The following RYR2 variants were observed in gnomAD, a reference collection of about 807,000 sequenced individuals.
RYR2 encodes ryanodine receptor 2, also known as cardiac muscle ryanodine receptor-calcium release channel.
RYR2 carries 227 observed loss-of-function variants against 601.1 expected under a neutral mutation model. The observed-to-expected ratio is 0.38, with a 90% CI of 0.34 to 0.42. RYR2 has a LOEUF of 0.42. RYR2 is among the 10% of genes least tolerant of loss of function. The pLI, the probability that RYR2 is intolerant of heterozygous loss-of-function variation, is 1.00. For missense variants in RYR2, 4,646 were observed against 6,156.5 expected (o/e 0.75, Z 8.21); for synonymous variants, 2,223 against 2,175.1 (o/e 1.02, Z -0.61).
At chr1:237,320,527 G>T (rs529745559) in intron 2 of RYR2, among the ~76,000 whole-genome samples, 1 of 152,226 alleles carries the variant, frequency 6.6e-6, no homozygotes, top group Admixed American at 6.5e-5. Flanking sequence ...AGTACCTCCA[G>T]ATCACCTGCT....
rs1158346329 is a variant in RYR2 at position 237,387,311 on chromosome 1, G to A, written c.607G>A (p.Val203Met). The A allele has an allele frequency of 3.1e-6, 5 of 1,613,972 alleles. No individual in the cohort carries two copies. The highest frequency in any genetic ancestry group is 4.2e-6 in the Non-Finnish European group (5 of 1,179,886). The change falls in exon 9 of 105, where the codon GTG becomes ATG. Residue 203 changes from valine to methionine, a missense_variant. Physicochemically the swap from Val to Met is conservative, Grantham distance 21. Around this residue, in one of 17 missense-constraint regions of RYR2, gnomAD observed 87 missense variants for 144.7 expected, o/e 0.60. Transcript: ENST00000366574. ...HLSYGNGSLH[V>M]DAAFQQTLWS... The stretch of plus-strand genomic sequence containing the variant: ...GTCTTATGGCAACGGCAGCTTACAC[G>A]TGGATGCCGCTTTCCAGCAGACTCT...
At chr1:237,116,421 A>G (rs1348176796) in intron 1 of RYR2, among the ~76,000 whole-genome samples, 1 of 152,224 alleles carries the variant, frequency 6.6e-6, no homozygotes. Flanking sequence ...GGAGGCAGAC[A>G]TAATAGGAGG....
intron 55 of RYR2, among the ~76,000 whole-genome samples, chr1:237,660,307 C>T (rs1425499825): frequency 6.6e-6 from 1 of 151,340 alleles, no homozygotes; most frequent in Non-Finnish European, 1.5e-5. Context: ...TTTTTCTTTT[C>T]CTTTTTGGTT....
At chr1:237,542,062 AT>A (rs1170221829) in intron 25 of RYR2, among the ~76,000 whole-genome samples, 1 of 122,090 alleles carries the variant, frequency 8.2e-6, no homozygotes, top group Non-Finnish European at 1.7e-5. Flanking sequence ...TTTTGTCTTT[AT>A]TTATTTATTT....
intron 25 of RYR2, among the ~76,000 whole-genome samples, chr1:237,538,693 C>T (rs542733154): frequency 1.3e-4 from 20 of 151,918 alleles, no homozygotes; most frequent in African/African-American, 4.8e-4. Flanking sequence ...ATTGCTTGAA[C>T]CTGAGAGGCG....
chr1:237,537,529 G>C lies in RYR2; in HGVS notation c.2906+7019G>C, dbSNP rs532925168. 7.2e-5 allele frequency among the ~76,000 whole-genome samples: 11 copies of C among 152,266 alleles called. No homozygotes were observed. In the East Asian group the frequency reaches 2.1e-3, roughly 29 times the overall value. On this transcript the variant is annotated intron_variant, in intron 25 of 104. Transcript: ENST00000366574. ...GGGATTTCACCATGTTGGTCAGGCT[G>C]GTCTTGAGCTCCTGACCTCAGGTGA...
chr1:237,627,598 G>A (rs1422302189), intron 40 of RYR2, among the ~76,000 whole-genome samples: 1 of 152,130 alleles, frequency 6.6e-6, no homozygotes, highest in African/African-American at 2.4e-5. Context: ...AAAGGTTTGT[G>A]TTTTTTATCT....
intron 97 of RYR2, among the ~76,000 whole-genome samples, chr1:237,801,416 C>T (rs926292348): frequency 6.7e-6 from 1 of 150,272 alleles, no homozygotes; most frequent in Admixed American, 6.6e-5. Flanking sequence ...GTAGCACATG[C>T]CTGTAATCCC....
At position 237,415,887 on chromosome 1, in the gene RYR2, A is replaced by G. The variant is rs902673271; in HGVS notation, c.774-1162A>G. Among the ~76,000 whole-genome samples the G allele has an allele frequency of 1.1e-4, 17 of 152,210 alleles. 1 individual carries two copies. The highest frequency in any genetic ancestry group is 1.8e-4 in the Non-Finnish European group (12 of 68,036). On this transcript the variant is annotated intron_variant, in intron 10 of 104. Coordinates refer to ENST00000366574, the MANE Select transcript of RYR2 (RefSeq NM_001035.3). Reference sequence around the variant, plus strand: ...CAGAGTTGCATGTGGAGGGGTAAGTAGAGGTTACAGGTAAAACGCGGTTGT... The same window carrying G: ...CAGAGTTGCATGTGGAGGGGTAAGTGGAGGTTACAGGTAAAACGCGGTTGT...
intron 1 of RYR2, among the ~76,000 whole-genome samples, chr1:237,138,636 A>G (rs1673063509): frequency 6.6e-6 from 1 of 152,232 alleles, no homozygotes; most frequent in South Asian, 2.1e-4. Context: ...GTTCAGATGT[A>G]TACAGTTTAC....
rs886508050 is a variant in RYR2, at chr1:237,117,942, C to T, written c.48+75373C>T. On this transcript the variant is annotated intron_variant, in intron 1 of 104. Coordinates refer to ENST00000366574, the MANE Select transcript of RYR2 (RefSeq NM_001035.3). ...TGTATTTTTAGTAGAGACAGGGTTTCGCCATGTTGGCCAGGCTGGCCTCGA... is the reference window on the plus strand; with the variant it reads ...TGTATTTTTAGTAGAGACAGGGTTTTGCCATGTTGGCCAGGCTGGCCTCGA... Among the ~76,000 whole-genome samples the T allele has an allele frequency of 3.3e-5, 5 of 152,140 alleles. No homozygotes were observed. In the East Asian group the frequency reaches 5.8e-4, roughly 18 times the overall value.
chr1:237,122,908 A>G (rs1670971185), intron 1 of RYR2, among the ~76,000 whole-genome samples: 2 of 152,222 alleles, frequency 1.3e-5, no homozygotes, highest in Admixed American at 1.3e-4. Context: ...TTTAATTAAA[A>G]ACCTTATGTA....
chr1:237,833,127 G>A lies in RYR2; in HGVS notation c.*480G>A, dbSNP rs1268413717. On this transcript the variant is annotated 3_prime_UTR_variant, in exon 105 of 105. Transcript: ENST00000366574. The stretch of plus-strand genomic sequence containing the variant: ...GGAAATAGTGCCTTACTATATGTGG[G>A]TTGAGCTATGCAGAAGATACGTGCA... The A allele has an allele frequency of 6.5e-6, 1 of 152,678 alleles. No homozygotes were observed. Among genetic ancestry groups the A allele is most frequent in the African/African-American group, 2.4e-5 (1 of 41,420 alleles). The allele number at this position is 152,678 out of a possible 1,614,324, so 9.5% of individuals were successfully genotyped here. A position where few individuals can be genotyped will look rare whatever the true frequency, so the allele number is the denominator to read the frequency against.
intron 1 of RYR2, among the ~76,000 whole-genome samples, chr1:237,117,763 TGAGACAGAG>T (rs1300534328): frequency 2.7e-5 from 4 of 149,942 alleles, no homozygotes; most frequent in East Asian, 2.0e-4. Context: ...TTCTCTGTTC[TGAGACAGAG>T]TCTCCCTCTG....
intron 1 of RYR2, among the ~76,000 whole-genome samples, chr1:237,060,511 T>C (rs1662703151): frequency 6.6e-6 from 1 of 152,226 alleles, no homozygotes; most frequent in Non-Finnish European, 1.5e-5. Context: ...TAACTACCAC[T>C]CACATTAATG....
chr1:237,733,809 A>G, intron 79 of RYR2, 53 bp downstream of exon 79: 1 of 1,204,810 alleles, frequency 8.3e-7, no homozygotes. Flanking sequence ...AAGGGAAGTA[A>G]CTTTCATCTG....
At chr1:237,352,345 ATAT>A (rs1476830186) in intron 3 of RYR2, among the ~76,000 whole-genome samples, 2 of 152,144 alleles carry the variant, frequency 1.3e-5, no homozygotes, top group African/African-American at 2.4e-5. Context: ...GATTTCACTT[ATAT>A]TAGTATAATG....
chr1:237,614,033 C>T lies in RYR2; in HGVS notation c.4911-6C>T. On this transcript the variant is annotated splice_region_variant and splice_polypyrimidine_tract_variant and intron_variant, in intron 36 of 104. Transcript: ENST00000366574. This position sits in a 1 kb window ranked among gnomAD's most constrained non-coding sequence, Gnocchi z 4.3. ...AATCTTACTACCACTCTCCTCCCTT[C>T]TACAGATCTGTTGACATCTTAGAGT... The T allele has an allele frequency of 1.2e-6, 2 of 1,608,196 alleles. No homozygotes were observed. Among genetic ancestry groups the T allele is most frequent in the Non-Finnish European group, 8.5e-7 (1 of 1,175,454 alleles).
chr1:237,568,674 T>A (rs558396800), intron 28 of RYR2, among the ~76,000 whole-genome samples: 4 of 152,164 alleles, frequency 2.6e-5, no homozygotes, highest in South Asian at 4.1e-4. Flanking sequence ...GGAATGAAAT[T>A]TCATTTTGAA....
Sources: gnomAD v4.1 joint callset for allele counts (sites outside exome capture counted in the v4.1 genomes callset) on GRCh38, gnomAD v4.1.1 for gene constraint, gnomAD v4.1.1 regional missense constraint, Gnocchi (gnomAD v3.1) non-coding constraint, MANE v1.5 for transcripts, NCBI Gene and HGNC (gene_info 2026-07-23, HGNC 2026-07-21) for gene names.